The following VIL1 variants were observed in gnomAD, a reference collection of about 807,000 sequenced individuals.
VIL1 encodes villin 1.
VIL1 carries 86 observed loss-of-function variants against 104.0 expected under a neutral mutation model. The ratio of observed to expected loss-of-function variants is 0.83; its 90% CI spans 0.69 to 0.99. The LOEUF is 0.99. VIL1 is among the 50% of genes least tolerant of loss of function. The probability of loss-of-function intolerance (pLI) is 0.00; values close to 1 mark genes in which losing one functional copy is unlikely to be tolerated. For missense variants in VIL1, 944 were observed against 1,054.1 expected, an observed-to-expected ratio of 0.90 and a Z score of 1.45; for synonymous variants, 394 against 412.6, an observed-to-expected ratio of 0.95 and a Z score of 0.55.
rs1038837793 is a variant in VIL1, at chr2:218,435,218, G to C, written c.1681-71G>C. ...GAGCCCTCTTTGACCCCTGAACTCTGGGCAGTGAATGTAGTAGGAGGGTGG... is the reference window on the plus strand; with the variant it reads ...GAGCCCTCTTTGACCCCTGAACTCTCGGCAGTGAATGTAGTAGGAGGGTGG... On this transcript the variant is annotated intron_variant, in intron 14 of 19. Transcript: ENST00000248444. 22 of 1,574,806 alleles carry C rather than the reference G, an allele frequency of 1.4e-5. No individual in the cohort carries two copies. The African/African-American group carries it at 3.0e-4, about 21-fold the overall frequency.
rs1031001591 is a variant in VIL1, at chr2:218,452,061, A to T, written c.*2725A>T. 6 of 152,650 alleles carry T rather than the reference A, an allele frequency of 3.9e-5. No individual in the cohort carries two copies. Among genetic ancestry groups the T allele is most frequent in the Non-Finnish European group, 7.3e-5 (5 of 68,044 alleles). The allele number at this position is 152,650 out of a possible 1,614,324, so 9.5% of individuals were successfully genotyped here. ...AATTAACAGCATCCAGCCACATGCA[A>T]CTTTCCAACCTTCAGTACTATTAGG... On this transcript the variant is annotated 3_prime_UTR_variant, in exon 20 of 20. Coordinates refer to ENST00000248444, the MANE Select transcript of VIL1 (RefSeq NM_007127.3).
chr2:218,430,755 A>G lies in VIL1; in HGVS notation c.979A>G (p.Ser327Gly), dbSNP rs765488608. 1.2e-6 allele frequency: 2 copies of G among 1,609,756 alleles called. No individual in the cohort carries two copies. Among genetic ancestry groups the G allele is most frequent in the East Asian group, 2.2e-5 (1 of 44,808 alleles). ...CATCAAAGCCAAGCAGTACCCACCAAGCACACAGGTGGAGGTGCAGAATGA... is the reference window on the plus strand; with the variant it reads ...CATCAAAGCCAAGCAGTACCCACCAGGCACACAGGTGGAGGTGCAGAATGA... ...NFIKAKQYPP[S>G]TQVEVQNDGA... Residue 327 changes from serine to glycine, a missense_variant, in exon 10 of 20, where the codon AGC (serine) becomes GGC (glycine). By Grantham distance (56) the Ser-to-Gly change is moderately conservative. Coordinates refer to ENST00000248444, the MANE Select transcript of VIL1 (RefSeq NM_007127.3).
At position 218,449,431 on chromosome 2, in the gene VIL1, T is replaced by C. The variant is rs565149275; in HGVS notation, c.*95T>C. The C allele has an allele frequency of 6.6e-6, 7 of 1,063,286 alleles. No individual in the cohort carries two copies. In the East Asian group the frequency reaches 9.7e-5, roughly 15 times the overall value. The allele number at this position is 1,063,286 out of a possible 1,614,324, so 65.9% of individuals were successfully genotyped here. A position where few individuals can be genotyped will look rare whatever the true frequency, so the allele number is the denominator to read the frequency against. On this transcript the variant is annotated 3_prime_UTR_variant, in exon 20 of 20. Transcript: ENST00000248444. ...GTCCTACACCAATTGAAGTGAAATT[T>C]TGCAGATGTGCCTATGAGCACAAAC...
chr2:218,420,596 T>TG (rs1688886635), intron 1 of VIL1, among the ~76,000 whole-genome samples: 1 of 150,352 alleles, frequency 6.7e-6, no homozygotes, highest in Admixed American at 6.6e-5. Flanking sequence ...TTTTTTTGTT[T>TG]TTTTTTTGAG....
chr2:218,431,687 A>G (rs1343508287), intron 10 of VIL1, among the ~76,000 whole-genome samples, 170 bp from the exon 11 acceptor site: 2 of 152,074 alleles, frequency 1.3e-5, no homozygotes, highest in African/African-American at 2.4e-5. Context: ...GTGGTTCTCT[A>G]TTGTAGCTCT....
intron 4 of VIL1, among the ~76,000 whole-genome samples, chr2:218,427,326 CTTTT>C (rs10716451): frequency 5.4e-5 from 7 of 128,528 alleles, no homozygotes; most frequent in Admixed American, 7.8e-5. Flanking sequence ...AATACATTTC[CTTTT>C]TTTTTTTTTT....
At chr2:218,443,199 TTTC>T (rs1239959304) in intron 19 of VIL1, among the ~76,000 whole-genome samples, 2 of 28,636 alleles carry the variant, frequency 7.0e-5, no homozygotes, top group Non-Finnish European at 2.2e-4. Flanking sequence ...GAGGTATTTC[TTTC>T]TTTTTTTTTT....
rs1472682688 is a variant in VIL1 at position 218,431,891 on chromosome 2, C to T, written c.1137C>T (p.Ser379=). 2 of 1,613,920 alleles carry T rather than the reference C, an allele frequency of 1.2e-6. No individual in the cohort carries two copies. Among genetic ancestry groups the T allele is most frequent in the African/African-American group, 2.7e-5 (2 of 74,976 alleles). ...KVEQVKFDAT[S]MHVKPQVAAQ... ...AACAGGTGAAGTTCGATGCCACATCCATGCATGTCAAGCCTCAGGTGGCTG... is the reference window on the plus strand; with the variant it reads ...AACAGGTGAAGTTCGATGCCACATCTATGCATGTCAAGCCTCAGGTGGCTG... Residue 379 remains serine, a synonymous_variant, in exon 11 of 20, where the codon TCC becomes TCT. Coordinates refer to ENST00000248444, the MANE Select transcript of VIL1 (RefSeq NM_007127.3).
chr2:218,420,490 G>A (rs1157445177), intron 1 of VIL1, among the ~76,000 whole-genome samples: 3 of 149,766 alleles, frequency 2.0e-5, no homozygotes, highest in Non-Finnish European at 4.4e-5. Flanking sequence ...AGATGGACCT[G>A]CAGACAGTGG....
intron 18 of VIL1, 137 bp from the exon 19 acceptor site, chr2:218,440,583 TGA>T: frequency 9.9e-7 from 1 of 1,008,020 alleles, no homozygotes; most frequent in Non-Finnish European, 1.5e-6. Flanking sequence ...GTTGTTCTTA[TGA>T]GTGTGTGTGT....
chr2:218,438,798 C>G, intron 18 of VIL1, 72 bp downstream of exon 18: 1 of 1,358,200 alleles, frequency 7.4e-7, no homozygotes, highest in Non-Finnish European at 1.0e-6. Flanking sequence ...GCCAAGAACG[C>G]TGCAGAGAAG....
intron 19 of VIL1, among the ~76,000 whole-genome samples, chr2:218,441,175 G>T (rs1302505499): frequency 6.6e-6 from 1 of 152,082 alleles, no homozygotes; most frequent in Admixed American, 6.5e-5. Flanking sequence ...GATCACCTGA[G>T]GTCAGGAGTT....
chr2:218,436,485 A>C lies in VIL1; in HGVS notation c.1830A>C (p.Leu610=). The C allele has an allele frequency of 6.2e-7, 1 of 1,613,638 alleles. No homozygotes were observed. ...GKAPYANTKR[L]QEENLVITPR... is the part of the protein sequence containing the mutation. ...CAATCTTCTCTCCATCCTGCAGACT[A>C]CAGGAAGAAAACCTGGTCATCACCC... Residue 610 remains leucine (L), a synonymous_variant, in exon 16 of 20, where the codon CTA becomes CTC. Transcript: ENST00000248444.
In VIL1 at chr2:218,431,866, A is replaced by G. The variant is rs1689104439; in HGVS notation, c.1112A>G (p.Glu371Gly). 2 of 1,613,342 alleles carry G rather than the reference A, an allele frequency of 1.2e-6. No individual in the cohort carries two copies. The highest frequency in any genetic ancestry group is 2.7e-5 in the African/African-American group (2 of 74,854). Reference protein sequence around the residue: ...THTVGSVAKVEQVKFDATSMH... With the variant: ...THTVGSVAKVGQVKFDATSMH... Reference sequence around the variant, plus strand: ...ATTTCCCCCACTCTAGCCAAAGTGGAACAGGTGAAGTTCGATGCCACATCC... The same window carrying G: ...ATTTCCCCCACTCTAGCCAAAGTGGGACAGGTGAAGTTCGATGCCACATCC... The change falls in exon 11 of 20, where the codon GAA becomes GGA. Residue 371 changes from glutamate (E) to glycine (G), a missense_variant. Coordinates refer to ENST00000248444, the MANE Select transcript of VIL1 (RefSeq NM_007127.3).
rs953244979 is a variant in VIL1, at chr2:218,449,736, A to G, written c.*400A>G. 8.4e-5 allele frequency: 15 copies of G among 178,658 alleles called. No individual in the cohort carries two copies. The highest frequency in any genetic ancestry group is 2.7e-4 in the Admixed American group (5 of 18,506). The allele number at this position is 178,658 out of a possible 1,614,324, so 11.1% of individuals were successfully genotyped here. A position where few individuals can be genotyped will look rare whatever the true frequency, so the allele number is the denominator to read the frequency against. The stretch of plus-strand genomic sequence containing the variant: ...AGGCTGAAGCACTTTGCAGGTTTAC[A>G]TCTTCCCCAGAGTAACAGCTTTTCC... On this transcript the variant is annotated 3_prime_UTR_variant, in exon 20 of 20. Coordinates refer to ENST00000248444, the MANE Select transcript of VIL1 (RefSeq NM_007127.3).
rs751522594 is a variant in VIL1 at position 218,429,434 on chromosome 2, C to T, written c.717C>T (p.Ala239=). ...VLGKRRELKA[A]VPDTVVEPAL... ...GCAAGCGCAGGGAGCTGAAGGCGGC[C>T]GTGCCCGACACGGTGGTGGAGCCGG... The change falls in exon 7 of 20, where the codon GCC becomes GCT. Residue 239 remains alanine, a synonymous_variant. Transcript: ENST00000248444. 4.3e-6 allele frequency: 7 copies of T among 1,613,888 alleles called. No homozygotes were observed. The highest frequency in any genetic ancestry group is 1.7e-5 in the Admixed American group (1 of 60,002).
At chr2:218,426,394 A>G (rs1434673241) in intron 4 of VIL1, among the ~76,000 whole-genome samples, 1 of 151,900 alleles carries the variant, frequency 6.6e-6, no homozygotes, top group East Asian at 1.9e-4. Flanking sequence ...AGCTGGGATT[A>G]CAGGCACACA....
chr2:218,431,236 A>G, intron 10 of VIL1: 1 of 407,150 alleles, frequency 2.5e-6, no homozygotes. Flanking sequence ...CTGTAACCCC[A>G]GCTACTCAGA....
At chr2:218,435,167 T>A (rs1689167225) in intron 14 of VIL1, 122 bp from the exon 15 acceptor site, 2 of 1,317,560 alleles carry the variant, frequency 1.5e-6, no homozygotes, top group Non-Finnish European at 2.1e-6. Context: ...CTGTGTGGCC[T>A]GTATACACAA....
Sources: gnomAD v4.1 joint callset for allele counts (sites outside exome capture counted in the v4.1 genomes callset) on GRCh38, gnomAD v4.1.1 for gene constraint, MANE v1.5 for transcripts, NCBI Gene and HGNC (gene_info 2026-07-23, HGNC 2026-07-21) for gene names.